ARHGAP42: variants seen among roughly 807,000 people sequenced by gnomAD.
The protein encoded by ARHGAP42 is Rho GTPase activating protein 42, also known as rho GTPase-activating protein 42.
ARHGAP42 carries 63 observed loss-of-function variants against 125.0 expected under a neutral mutation model. That is an observed-to-expected ratio of 0.50 (90% CI 0.41 to 0.62). The LOEUF (loss-of-function observed/expected upper bound fraction) is 0.62. Among genes scored for constraint, ARHGAP42 ranks in the 20% least tolerant of loss-of-function variants. The pLI, the probability that ARHGAP42 is intolerant of heterozygous loss-of-function variation, is 0.00. For missense variants in ARHGAP42, 766 were observed against 1,024.2 expected (o/e 0.75, Z 3.44); for synonymous variants, 339 against 351.0 (o/e 0.97, Z 0.38).
chr11:100,971,128 C>T (rs1304627969), intron 17 of ARHGAP42, among the ~76,000 whole-genome samples: 3 of 152,040 alleles, frequency 2.0e-5, no homozygotes, highest in South Asian at 2.1e-4. Flanking sequence ...CACAGACTCT[C>T]GGCTTTTCTT....
At chr11:100,954,282 G>T (rs550046591) in intron 12 of ARHGAP42, among the ~76,000 whole-genome samples, 12 of 152,236 alleles carry the variant, frequency 7.9e-5, no homozygotes, top group Non-Finnish European at 1.0e-4. Context: ...ATATTCCATT[G>T]TGCACCTACT....
chr11:100,769,712 C>CTTTTTTT (rs140626690), intron 1 of ARHGAP42, among the ~76,000 whole-genome samples: 2 of 78,092 alleles, frequency 2.6e-5, no homozygotes, highest in African/African-American at 1.1e-4. Flanking sequence ...AGCATTCCTT[C>CTTTTTTT]TTTTTTTTTT....
intron 22 of ARHGAP42, among the ~76,000 whole-genome samples, chr11:100,985,415 C>T (rs1169505131): frequency 6.6e-6 from 1 of 151,968 alleles, no homozygotes; most frequent in Non-Finnish European, 1.5e-5. Context: ...CAGTAATATC[C>T]TGATCAAATC....
intron 3 of ARHGAP42, among the ~76,000 whole-genome samples, chr11:100,848,373 A>C (rs1278135026): frequency 6.6e-6 from 1 of 152,164 alleles, no homozygotes; most frequent in Non-Finnish European, 1.5e-5. Context: ...TATCGACATT[A>C]TGTTTTGTTG....
intron 5 of ARHGAP42, among the ~76,000 whole-genome samples, chr11:100,918,076 G>A (rs994593518): frequency 1.3e-5 from 2 of 152,056 alleles, no homozygotes; most frequent in Non-Finnish European, 2.9e-5. Context: ...AATGTTGCTT[G>A]TTTCTTGTCA....
intron 1 of ARHGAP42, among the ~76,000 whole-genome samples, chr11:100,764,272 CCTCA>C (rs1862780121): frequency 6.6e-6 from 1 of 152,184 alleles, no homozygotes; most frequent in Non-Finnish European, 1.5e-5. Context: ...GATCCTCCTG[CCTCA>C]GCCTCCCAAA....
chr11:100,993,830 C>T lies in ARHGAP42; in HGVS notation c.*5029C>T, dbSNP rs1034672701. ...ATATATACACACATACATATGCCAACATGTAAATAACCTCATGTTTATTCC... is the reference window on the plus strand; with the variant it reads ...ATATATACACACATACATATGCCAATATGTAAATAACCTCATGTTTATTCC... On this transcript the variant is annotated 3_prime_UTR_variant, in exon 24 of 24. Coordinates refer to ENST00000298815, the MANE Select transcript of ARHGAP42 (RefSeq NM_152432.4). 6 of 167,004 alleles carry T rather than the reference C, an allele frequency of 3.6e-5. No homozygotes were observed. Among genetic ancestry groups the T allele is most frequent in the Non-Finnish European group, 1.5e-5 (1 of 68,110 alleles). 10.3% of individuals were successfully genotyped at this position (167,004 alleles called of 1,614,324 possible).
chr11:100,960,086 G>A (rs6590831), intron 13 of ARHGAP42, 141 bp downstream of exon 13: 393,993 of 712,612 alleles, frequency 0.55, 114,286 homozygotes, highest in African/African-American at 0.68. Context: ...TGTATGTATC[G>A]GTATACAAAT....
At chr11:100,842,884 G>A (rs1473823854) in intron 3 of ARHGAP42, among the ~76,000 whole-genome samples, 2 of 151,936 alleles carry the variant, frequency 1.3e-5, no homozygotes, top group Non-Finnish European at 2.9e-5. Context: ...ACCACAAACA[G>A]ACAATCTAAG....
At chr11:100,910,046 G>A (rs672593) in intron 4 of ARHGAP42, among the ~76,000 whole-genome samples, 70,470 of 151,984 alleles carry the variant, frequency 0.46, 18,446 homozygotes, top group African/African-American at 0.69. Context: ...AAGTAATAAC[G>A]TGAGCACTAT....
intron 3 of ARHGAP42, among the ~76,000 whole-genome samples, chr11:100,834,530 C>G (rs1379583222): frequency 1.3e-5 from 2 of 152,068 alleles, no homozygotes; most frequent in Non-Finnish European, 2.9e-5. Flanking sequence ...ATTGGGTACT[C>G]AAGTCAAGCC....
chr11:100,940,807 ACTAT>A (rs1051432190), intron 8 of ARHGAP42, among the ~76,000 whole-genome samples: 9 of 146,106 alleles, frequency 6.2e-5, no homozygotes, highest in Admixed American at 2.1e-4. Flanking sequence ...TTGACTGACA[ACTAT>A]CTGTCTGGCT....
At chr11:100,879,646 G>T (rs1338073231) in intron 4 of ARHGAP42, among the ~76,000 whole-genome samples, 1 of 152,024 alleles carries the variant, frequency 6.6e-6, no homozygotes, top group East Asian at 1.9e-4. Context: ...CATAGACTTT[G>T]CCTGCCATGC....
At chr11:100,697,920 C>T (rs1861314798) in intron 1 of ARHGAP42, among the ~76,000 whole-genome samples, 1 of 152,150 alleles carries the variant, frequency 6.6e-6, no homozygotes, top group Non-Finnish European at 1.5e-5. Flanking sequence ...CAACAATTTA[C>T]ATATTATGGT....
rs553193851 is a variant in ARHGAP42 at position 100,736,626 on chromosome 11, G to T, written c.155-33717G>T. 2.0e-5 allele frequency among the ~76,000 whole-genome samples: 3 copies of T among 152,156 alleles called. No individual in the cohort carries two copies. In the South Asian group the frequency reaches 6.2e-4, roughly 32 times the overall value. Reference sequence around the variant, plus strand: ...TAATGGATTTTCAAACAATACTCTGGTAGCACCTTTTGTGCTACAGGCATC... The same window carrying T: ...TAATGGATTTTCAAACAATACTCTGTTAGCACCTTTTGTGCTACAGGCATC... On this transcript the variant is annotated intron_variant, in intron 1 of 23. Coordinates refer to ENST00000298815, the MANE Select transcript of ARHGAP42 (RefSeq NM_152432.4).
intron 3 of ARHGAP42, among the ~76,000 whole-genome samples, chr11:100,799,404 G>A (rs1863798715): frequency 6.6e-6 from 1 of 152,180 alleles, no homozygotes; most frequent in Non-Finnish European, 1.5e-5. Flanking sequence ...CTGTGAAGGT[G>A]ACTTTGATCT....
chr11:100,796,570 T>C lies in ARHGAP42; in HGVS notation c.312+1404T>C, dbSNP rs1047036034. On this transcript the variant is annotated intron_variant, in intron 3 of 23. Coordinates refer to ENST00000298815, the MANE Select transcript of ARHGAP42 (RefSeq NM_152432.4). ...AAGCTAGGCCTCTTGAAACAAATAG[T>C]TAGCAAAGTGGTGAGTGCAAAGGAA... Among the ~76,000 whole-genome samples the C allele has an allele frequency of 3.3e-5, 5 of 152,250 alleles. No homozygotes were observed. In the East Asian group the frequency reaches 9.6e-4, roughly 29 times the overall value.
chr11:100,881,893 C>T (rs1044130914), intron 4 of ARHGAP42, among the ~76,000 whole-genome samples: 3 of 151,952 alleles, frequency 2.0e-5, no homozygotes, highest in Non-Finnish European at 2.9e-5. Context: ...GAGTTGAGTT[C>T]TTGATTTGAT....
At position 100,992,266 on chromosome 11, in the gene ARHGAP42, G is replaced by A; in HGVS notation, c.*3465G>A. ...CAGACCAATTTAGGGAACAGATTTT[G>A]TTCTTTGCTTTTATGATACATTTGT... On this transcript the variant is annotated 3_prime_UTR_variant, in exon 24 of 24. Transcript: ENST00000298815. 6.5e-7 allele frequency: 1 copy of A among 1,540,570 alleles called. No individual in the cohort carries two copies. Among genetic ancestry groups the A allele is most frequent in the Non-Finnish European group, 8.7e-7 (1 of 1,148,414 alleles).
Sources: gnomAD v4.1 joint callset for allele counts (sites outside exome capture counted in the v4.1 genomes callset) on GRCh38, gnomAD v4.1.1 for gene constraint, MANE v1.5 for transcripts, NCBI Gene and HGNC (gene_info 2026-07-23, HGNC 2026-07-21) for gene names.